The following ZSCAN29 variants were observed in gnomAD, a reference collection of about 807,000 sequenced individuals.
The protein encoded by ZSCAN29 is zinc finger and SCAN domain containing 29, also known as zinc finger and SCAN domain-containing protein 29.
ZSCAN29 carries 55 observed loss-of-function variants against 71.9 expected under a neutral mutation model. The observed-to-expected ratio is 0.76, with a 90% CI of 0.62 to 0.96. ZSCAN29 has a LOEUF of 0.96. Ranked by LOEUF, ZSCAN29 falls within the 40% of genes least tolerant of loss-of-function variation. ZSCAN29 has a pLI of 0.00. For missense variants in ZSCAN29, 1,042 were observed against 1,042.2 expected (o/e 1.00, Z 0.00); for synonymous variants, 351 against 371.6 (o/e 0.94, Z 0.64).
At position 43,364,113 on chromosome 15, in the gene ZSCAN29, C is replaced by T. The variant is rs753603052; in HGVS notation, c.1492G>A (p.Val498Ile). 3.1e-6 allele frequency: 5 copies of T among 1,614,158 alleles called. No homozygotes were observed. The South Asian group carries it at 4.4e-5, about 14-fold the overall frequency. The change falls in exon 5 of 6, where the codon GTT (valine) becomes ATT (isoleucine). Residue 498 changes from valine (V) to isoleucine (I), a missense_variant. By Grantham distance (29) the Val-to-Ile change is conservative. Coordinates refer to ENST00000684362, the MANE Select transcript of ZSCAN29 (RefSeq NM_001372080.1). ...EEMDALVSVR[V>I]AAPPNDGQEE... ...TGGCCATCATTGGGTGGGGCAGCAA[C>T]CCGGACACTCACCAAAGCATCCATC...
chr15:43,365,880 T>C (rs1031499688), intron 4 of ZSCAN29, among the ~76,000 whole-genome samples: 1 of 152,236 alleles, frequency 6.6e-6, no homozygotes, highest in Non-Finnish European at 1.5e-5. Context: ...ATACTCCTTC[T>C]CAGGACTGTG....
chr15:43,370,122 T>G (rs1336959568), intron 1 of ZSCAN29, 97 bp from the exon 2 acceptor site: 4 of 570,424 alleles, frequency 7.0e-6, no homozygotes, highest in East Asian at 3.0e-5. Flanking sequence ...CCGAGTGGCC[T>G]TCTAAGGTAG....
At chr15:43,370,192 C>T (rs2044088169) in intron 1 of ZSCAN29, 167 bp from the exon 2 acceptor site, 7 of 395,728 alleles carry the variant, frequency 1.8e-5, no homozygotes, top group Non-Finnish European at 2.8e-5. Context: ...TCCAGGGCAG[C>T]CCCAGGAAGC....
intron 5 of ZSCAN29, among the ~76,000 whole-genome samples, chr15:43,363,261 G>T (rs2142728023): frequency 6.6e-6 from 1 of 152,320 alleles, no homozygotes; most frequent in East Asian, 1.9e-4. Context: ...TTACAGGCAT[G>T]TGCCACCATG....
rs2043978166 is a variant in ZSCAN29 at position 43,361,416 on chromosome 15, C to T, written c.2216G>A (p.Cys739Tyr). The T allele has an allele frequency of 6.2e-7, 1 of 1,614,116 alleles. No individual in the cohort carries two copies. Among genetic ancestry groups the T allele is most frequent in the African/African-American group, 1.3e-5 (1 of 75,042 alleles). Residue 739 changes from cysteine (C) to tyrosine (Y), a missense_variant, in exon 6 of 6, where the codon TGT becomes TAT. By Grantham distance (194) the Cys-to-Tyr change is radical. Transcript: ENST00000684362. ...TGAGCTCTGATTGAAGCATTTCCCACACTCACCACATTGATAAGGTTTCTC... is the reference window on the plus strand; with the variant it reads ...TGAGCTCTGATTGAAGCATTTCCCATACTCACCACATTGATAAGGTTTCTC... ...TGEKPYQCGE[C>Y]GKCFNQSSSL... is the part of the protein sequence containing the mutation.
Position 43,361,527 on chromosome 15 carries a change from C to T in ZSCAN29, c.2105G>A (p.Gly702Glu). ...GTCAAGACATTTATAAGGTTTCTCT[C>T]CAGTGTGGATTCTCCGGTGTCTAAT... ...RLIRHRRIHT[G>E]EKPYKCLDCG... The change falls in exon 6 of 6, where the codon GGA becomes GAA. Residue 702 changes from glycine to glutamate, a missense_variant. Coordinates refer to ENST00000684362, the MANE Select transcript of ZSCAN29 (RefSeq NM_001372080.1). 6.2e-7 allele frequency: 1 copy of T among 1,614,162 alleles called. No homozygotes were observed. The highest frequency in any genetic ancestry group is 8.5e-7 in the Non-Finnish European group (1 of 1,180,026).
At chr15:43,365,641 T>G (rs562656331) in intron 4 of ZSCAN29, among the ~76,000 whole-genome samples, 1 of 152,340 alleles carries the variant, frequency 6.6e-6, no homozygotes, top group African/African-American at 2.4e-5. Flanking sequence ...TCCCCAACTT[T>G]GGACAATTCT....
Position 43,361,322 on chromosome 15 carries a change from G to A in ZSCAN29, c.2310C>T (p.Ser770=). 6.2e-7 allele frequency: 1 copy of A among 1,614,140 alleles called. No homozygotes were observed. The highest frequency in any genetic ancestry group is 8.5e-7 in the Non-Finnish European group (1 of 1,180,036). Residue 770 remains serine (S), a synonymous_variant, in exon 6 of 6, where the codon AGC becomes AGT. Transcript: ENST00000684362. ...CACTAAAATGAGAACTGTTATTGAA[G>A]CTTTTTCCACACTCTTCACATTGAT... ...KPYQCEECGK[S]FNNSSHFSAH...
At chr15:43,363,617 G>A (rs976634000) in intron 5 of ZSCAN29, 24 of 311,570 alleles carry the variant, frequency 7.7e-5, no homozygotes, top group African/African-American at 1.1e-4. Context: ...CTTGAGAAAT[G>A]TGAGCTTTCA....
At chr15:43,364,407 C>G in intron 4 of ZSCAN29, 25 bp from the exon 5 acceptor site, 1 of 1,601,564 alleles carries the variant, frequency 6.2e-7, no homozygotes, top group African/African-American at 1.3e-5. Flanking sequence ...GAAATTTCAG[C>G]ACCACTTAAT....
Position 43,361,785 on chromosome 15 carries a change from T to C in ZSCAN29, c.1847A>G (p.Gln616Arg). The C allele has an allele frequency of 6.2e-7, 1 of 1,614,242 alleles. No homozygotes were observed. The highest frequency in any genetic ancestry group is 2.2e-5 in the East Asian group (1 of 44,888). Reference protein sequence around the residue: ...GNESDCRSGRQWAKTSGEKRG... With the variant: ...GNESDCRSGRRWAKTSGEKRG... ...TTTCTCCCCTGAGGTCTTTGCCCACTGTCTTCCTGATCTACAGTCACTCTC... is the reference window on the plus strand; with the variant it reads ...TTTCTCCCCTGAGGTCTTTGCCCACCGTCTTCCTGATCTACAGTCACTCTC... Residue 616 changes from glutamine to arginine, a missense_variant, in exon 6 of 6, where the codon CAG becomes CGG. By Grantham distance (43) the Gln-to-Arg change is conservative. Transcript: ENST00000684362.
At position 43,358,654 on chromosome 15, in the gene ZSCAN29, A is replaced by G. The variant is rs928992861; in HGVS notation, c.*2419T>C. The stretch of plus-strand genomic sequence containing the variant: ...CTAATTGAATGTGAAACGGCTACTT[A>G]TCCCAGTCCTTGGCCATCTGGCCAT... On this transcript the variant is annotated 3_prime_UTR_variant, in exon 6 of 6. Coordinates refer to ENST00000684362, the MANE Select transcript of ZSCAN29 (RefSeq NM_001372080.1). 2 of 152,352 alleles carry G rather than the reference A, an allele frequency of 1.3e-5. No individual in the cohort carries two copies. Among genetic ancestry groups the G allele is most frequent in the Non-Finnish European group, 2.9e-5 (2 of 68,032 alleles). 9.4% of individuals were successfully genotyped at this position (152,352 alleles called of 1,614,324 possible).
chr15:43,368,152 A>G (rs984948607), intron 3 of ZSCAN29, among the ~76,000 whole-genome samples: 3 of 152,216 alleles, frequency 2.0e-5, no homozygotes, highest in South Asian at 4.1e-4. Flanking sequence ...AATAATAAAC[A>G]TAATTTAGTT....
chr15:43,358,231 CATT>C lies in ZSCAN29; in HGVS notation c.*2839_*2841del, dbSNP rs1182378244. The stretch of plus-strand genomic sequence containing the variant: ...CCCTGAGAGACAGATTAGGTGTAAA[CATT>C]ATTTTGCTTTACAGAAAGGGAAATG... On this transcript the variant is annotated 3_prime_UTR_variant, in exon 6 of 6. Coordinates refer to ENST00000684362, the MANE Select transcript of ZSCAN29 (RefSeq NM_001372080.1). 2.0e-5 allele frequency: 3 copies of C among 152,482 alleles called. No homozygotes were observed. The highest frequency in any genetic ancestry group is 4.8e-5 in the African/African-American group (2 of 41,380). 9.4% of individuals were successfully genotyped at this position (152,482 alleles called of 1,614,324 possible). A position where few individuals can be genotyped will look rare whatever the true frequency, so the allele number is the denominator to read the frequency against.
At position 43,369,079 on chromosome 15, in the gene ZSCAN29, G is replaced by T; in HGVS notation, c.367C>A (p.Pro123Thr). The part of the protein sequence containing the change: ...GQEVRLEKMT[P>T]PKSSQELLSV... ...AATAACTCTTGTGATGATTTCGGGG[G>T]TGTCATCTTCTCCAAGCGCACTTCC... Residue 123 changes from proline (P) to threonine (T), a missense_variant, in exon 3 of 6, where the codon CCC becomes ACC. Pro to Thr is a conservative substitution (Grantham distance 38). Transcript: ENST00000684362. 1 of 1,601,910 alleles carries T rather than the reference G, an allele frequency of 6.2e-7. No individual in the cohort carries two copies.
rs1192336467 is a variant in ZSCAN29, at chr15:43,361,839, G to C, written c.1793C>G (p.Pro598Arg). 6.2e-7 allele frequency: 1 copy of C among 1,613,962 alleles called. No homozygotes were observed. The highest frequency in any genetic ancestry group is 8.5e-7 in the Non-Finnish European group (1 of 1,180,002). Reference protein sequence around the residue: ...TLLARSERKIPRYLHQGKGNE... With the variant: ...TLLARSERKIRRYLHQGKGNE... ...GCCTTTACCCTGATGAAGATACCGG[G>C]GAATTTTCCTTTCAGATCTTGCAAG... is the stretch of plus-strand genomic sequence containing the variant. The change falls in exon 6 of 6, where the codon CCC (proline) becomes CGC (arginine). Residue 598 changes from proline (P) to arginine (R), a missense_variant. Physicochemically the swap from Pro to Arg is moderately radical, Grantham distance 103. Coordinates refer to ENST00000684362, the MANE Select transcript of ZSCAN29 (RefSeq NM_001372080.1).
chr15:43,368,525 CAAAAAAAAAAAAA>C lies in ZSCAN29; in HGVS notation c.523+385_523+397del, dbSNP rs759913932. Among the ~76,000 whole-genome samples the C allele has an allele frequency of 5.9e-4, 6 of 10,218 alleles. 1 individual carries two copies. The highest frequency in any genetic ancestry group is 1.8e-3 in the Admixed American group (1 of 570). The allele number at this position is 10,218 out of a possible 152,430, so 6.7% of individuals were successfully genotyped here. A position where few individuals can be genotyped will look rare whatever the true frequency, so the allele number is the denominator to read the frequency against. On this transcript the variant is annotated intron_variant, in intron 3 of 5. Transcript: ENST00000684362. ...TGGGCGACAGAGCGAGACTCCGTCT[CAAAAAAAAAAAAA>C]AAAAAAAAAAAAAAAAAAAAGAATG...
rs150573966 is a variant in ZSCAN29, at chr15:43,366,566, G to A, written c.766C>T (p.Leu256Phe). Reference sequence around the variant, plus strand: ...TCAGTCTGGCTGAGAATTGCGAGGAGCGTTCTGGTCTCTTCATAGCCCCAG... The same window carrying A: ...TCAGTCTGGCTGAGAATTGCGAGGAACGTTCTGGTCTCTTCATAGCCCCAG... The part of the protein sequence containing the change: ...VHWGYEETRT[L>F]LAILSQTEFY... The change falls in exon 4 of 6, where the codon CTC (leucine) becomes TTC (phenylalanine). Residue 256 changes from leucine to phenylalanine, a missense_variant. By Grantham distance (22) the Leu-to-Phe change is conservative (BLOSUM62 0). Coordinates refer to ENST00000684362, the MANE Select transcript of ZSCAN29 (RefSeq NM_001372080.1). 11 of 1,614,098 alleles carry A rather than the reference G, an allele frequency of 6.8e-6. No homozygotes were observed. In the African/African-American group the frequency reaches 9.3e-5, roughly 14 times the overall value.
At position 43,360,751 on chromosome 15, in the gene ZSCAN29, G is replaced by T; in HGVS notation, c.*322C>A. 1 of 244,946 alleles carries T rather than the reference G, an allele frequency of 4.1e-6. No homozygotes were observed. The highest frequency in any genetic ancestry group is 7.6e-5 in the East Asian group (1 of 13,224). 15.2% of individuals were successfully genotyped at this position (244,946 alleles called of 1,614,324 possible). ...GCTGAATGACAGAATGAGTAAAGAA[G>T]GATGCTTATCAAATTCATAGGATCT... is the stretch of plus-strand genomic sequence containing the variant. On this transcript the variant is annotated 3_prime_UTR_variant, in exon 6 of 6. Coordinates refer to ENST00000684362, the MANE Select transcript of ZSCAN29 (RefSeq NM_001372080.1).
Sources: allele counts gnomAD v4.1 joint callset (sites outside exome capture counted in the v4.1 genomes callset), GRCh38; gene constraint gnomAD v4.1.1; transcripts MANE v1.5; gene names NCBI Gene and HGNC (gene_info 2026-07-23, HGNC 2026-07-21).